REDIC1: variants seen among roughly 807,000 people sequenced by gnomAD.
The protein encoded by REDIC1 is regulator of DNA class I crossover intermediates 1.
At chr12:39,677,742 C>T in the REDIC1 span, among the ~76,000 whole-genome samples, 1 of 152,118 alleles carries the variant, frequency 6.6e-6, no homozygotes, top group African/African-American at 2.4e-5. Context: ...ATCAAGTACT[C>T]TCTCAGAACA....
the REDIC1 span, among the ~76,000 whole-genome samples, chr12:39,868,600 G>A: frequency 3.0e-4 from 45 of 152,128 alleles, no homozygotes; most frequent in Non-Finnish European, 5.6e-4. Flanking sequence ...GATGAAGACC[G>A]TCTGTGAGTG....
chr12:39,671,937 A>G, the REDIC1 span, among the ~76,000 whole-genome samples: 1 of 152,162 alleles, frequency 6.6e-6, no homozygotes, highest in Non-Finnish European at 1.5e-5. Context: ...GATGATCCCC[A>G]GACCCCCAGG....
At chr12:39,804,520 T>C in the REDIC1 span, among the ~76,000 whole-genome samples, 8 of 152,190 alleles carry the variant, frequency 5.3e-5, no homozygotes, top group Non-Finnish European at 4.4e-5. Flanking sequence ...TTAAATAGCT[T>C]TGGTATTCCC....
chr12:39,669,466 G>T, the REDIC1 span, among the ~76,000 whole-genome samples: 5 of 152,306 alleles, frequency 3.3e-5, no homozygotes, highest in East Asian at 5.8e-4. Flanking sequence ...TGCCCCTACT[G>T]GGGGGTGCAT....
At chr12:39,772,230 TC>T in the REDIC1 span, among the ~76,000 whole-genome samples, 90 of 152,284 alleles carry the variant, frequency 5.9e-4, 1 homozygote, top group Non-Finnish European at 5.9e-5. Flanking sequence ...AGTTTGTATC[TC>T]AGTTCTCTCC....
chr12:39,739,103 T>C, the REDIC1 span, among the ~76,000 whole-genome samples: 1 of 152,166 alleles, frequency 6.6e-6, no homozygotes, highest in Non-Finnish European at 1.5e-5. Context: ...ATGGTTATTA[T>C]TTCCTTGGGC....
At chr12:39,847,407 T>G in the REDIC1 span, among the ~76,000 whole-genome samples, 1 of 152,070 alleles carries the variant, frequency 6.6e-6, no homozygotes, top group Non-Finnish European at 1.5e-5. Flanking sequence ...ACATTACAAC[T>G]AGATATGGCC....
the REDIC1 span, chr12:39,720,653 G>T: frequency 1.4e-6 from 1 of 729,112 alleles, no homozygotes; most frequent in Non-Finnish European, 2.3e-6. Flanking sequence ...GCTTTGATTT[G>T]TAACTTGCCA....
At chr12:39,655,504 A>G in the REDIC1 span, among the ~76,000 whole-genome samples, 3 of 152,172 alleles carry the variant, frequency 2.0e-5, no homozygotes, top group African/African-American at 7.2e-5. Context: ...TTACACATGT[A>G]TGCATCCTCC....
chr12:39,790,341 G>T, the REDIC1 span, among the ~76,000 whole-genome samples: 8 of 149,366 alleles, frequency 5.4e-5, no homozygotes, highest in South Asian at 2.1e-4. Context: ...TCTAGCATTA[G>T]GTATATCTCC....
At chr12:39,771,511 C>T in the REDIC1 span, among the ~76,000 whole-genome samples, 1 of 152,080 alleles carries the variant, frequency 6.6e-6, no homozygotes, top group Non-Finnish European at 1.5e-5. Context: ...ATTCTGCTAA[C>T]AAAAATGAAT....
chr12:39,774,823 G>A, the REDIC1 span, among the ~76,000 whole-genome samples: 11 of 151,866 alleles, frequency 7.2e-5, no homozygotes, highest in African/African-American at 9.7e-5. Context: ...ACTCCTTATC[G>A]GTATATTGAC....
At chr12:39,688,824 AGAAG>A in the REDIC1 span, among the ~76,000 whole-genome samples, 2 of 152,182 alleles carry the variant, frequency 1.3e-5, no homozygotes, top group African/African-American at 4.8e-5. Context: ...TAGTTAAGGG[AGAAG>A]GAAGAAATTG....
the REDIC1 span, among the ~76,000 whole-genome samples, chr12:39,665,014 C>A: frequency 2.0e-5 from 3 of 152,080 alleles, no homozygotes; most frequent in Non-Finnish European, 4.4e-5. Flanking sequence ...TTCTCCCATT[C>A]TGTAGGTTGC....
chr12:39,631,499 C>T, the REDIC1 span, among the ~76,000 whole-genome samples: 13 of 151,618 alleles, frequency 8.6e-5, no homozygotes, highest in African/African-American at 2.9e-4. Context: ...ATTGAAGGAG[C>T]CTACAGTTTT....
chr12:39,897,892 A>G, the REDIC1 span, among the ~76,000 whole-genome samples: 9 of 149,476 alleles, frequency 6.0e-5, no homozygotes, highest in Admixed American at 1.3e-4. Flanking sequence ...TACAATATAT[A>G]AGACATTTTT....
At chr12:39,781,748 T>C in the REDIC1 span, among the ~76,000 whole-genome samples, 1 of 152,106 alleles carries the variant, frequency 6.6e-6, no homozygotes, top group Non-Finnish European at 1.5e-5. Context: ...ATAAAAGAGA[T>C]ATTAGTAGAC....
the REDIC1 span, among the ~76,000 whole-genome samples, chr12:39,638,485 T>C: frequency 2.4e-4 from 37 of 152,204 alleles, no homozygotes; most frequent in African/African-American, 8.2e-4. Flanking sequence ...GCATGCCTTC[T>C]CAGCAGATCT....
At chr12:39,630,392 G>C in the REDIC1 span, among the ~76,000 whole-genome samples, 1 of 152,044 alleles carries the variant, frequency 6.6e-6, no homozygotes, top group Non-Finnish European at 1.5e-5. Context: ...CATAAGAAAG[G>C]CCTAGGCAAA....
Sources: gnomAD v4.1 joint callset for allele counts (sites outside exome capture counted in the v4.1 genomes callset) on GRCh38, gnomAD v4.1.1 for gene constraint, MANE v1.5 for transcripts, NCBI Gene and HGNC (gene_info 2026-07-23, HGNC 2026-07-21) for gene names.